MRRF: variants seen among roughly 807,000 people sequenced by gnomAD.
The protein encoded by MRRF is mitochondrial ribosome recycling factor.
A neutral mutation model predicts 25.1 loss-of-function variants in MRRF; 18 were observed. That is an observed-to-expected ratio of 0.72 (90% CI 0.50 to 1.06). The LOEUF is 1.06. Ranked by LOEUF, MRRF falls within the 50% of genes least tolerant of loss-of-function variation. MRRF has a pLI of 0.00. For missense variants in MRRF, 323 were observed against 319.3 expected (o/e 1.01, Z -0.09); for synonymous variants, 113 against 112.1 (o/e 1.01, Z -0.05).
chr9:122,299,809 A>G (rs1296529903), intron 5 of MRRF, among the ~76,000 whole-genome samples: 1 of 151,996 alleles, frequency 6.6e-6, no homozygotes, highest in East Asian at 1.9e-4. Context: ...AGAAGGTAAG[A>G]TCTGAGATTA....
chr9:122,275,279 C>G (rs961088643), intron 2 of MRRF, among the ~76,000 whole-genome samples: 3 of 152,096 alleles, frequency 2.0e-5, no homozygotes, highest in Admixed American at 2.0e-4. Context: ...ACCACCACCC[C>G]ACCCCGCTGA....
chr9:122,285,971 C>A, intron 4 of MRRF: 9 of 1,303,966 alleles, frequency 6.9e-6, no homozygotes, highest in Non-Finnish European at 8.1e-6. Flanking sequence ...GTCATTGCAT[C>A]TTTGAAGCTT....
At chr9:122,320,326 T>C (rs16911626) in intron 6 of MRRF, among the ~76,000 whole-genome samples, 4,643 of 152,284 alleles carry the variant, frequency 0.03, 212 homozygotes, top group African/African-American at 0.1. Context: ...TACACATTTT[T>C]AACCCACTAA....
chr9:122,276,878 T>C (rs557261063), intron 2 of MRRF, among the ~76,000 whole-genome samples: 3 of 152,318 alleles, frequency 2.0e-5, no homozygotes. Flanking sequence ...TCCTTTTTTG[T>C]TGTTTTTTGA....
intron 4 of MRRF, among the ~76,000 whole-genome samples, chr9:122,290,064 A>T (rs1185570903): frequency 2.6e-5 from 4 of 151,944 alleles, no homozygotes. Context: ...AAAAAAAAAA[A>T]AGAAAAAAGA....
intron 1 of MRRF, among the ~76,000 whole-genome samples, chr9:122,266,666 TG>T (rs568250344): frequency 7.7e-4 from 117 of 152,330 alleles, no homozygotes; most frequent in African/African-American, 2.7e-3. Context: ...TGAAAAGAGT[TG>T]CTGGGACAGT....
At position 122,323,735 on chromosome 9, in the gene MRRF, T is replaced by C. The variant is rs1226719536; in HGVS notation, c.*1118T>C. 1.3e-5 allele frequency: 2 copies of C among 152,250 alleles called. No individual in the cohort carries two copies. The highest frequency in any genetic ancestry group is 2.4e-5 in the African/African-American group (1 of 41,466). The allele number at this position is 152,250 out of a possible 1,614,324, so 9.4% of individuals were successfully genotyped here. ...ATTATTTATAATCTTGACAGTAAAC[T>C]TAAGAGATGTGTATTATCTTCATTT... is the stretch of plus-strand genomic sequence containing the variant. On this transcript the variant is annotated 3_prime_UTR_variant, in exon 7 of 7. Coordinates refer to ENST00000344641, the MANE Select transcript of MRRF (RefSeq NM_138777.5).
chr9:122,304,062 AACACACACACACACACACACAC>A (rs66775611), intron 5 of MRRF, among the ~76,000 whole-genome samples: 1 of 139,806 alleles, frequency 7.2e-6, no homozygotes, highest in Non-Finnish European at 1.6e-5. Flanking sequence ...ACCCTTTTCT[AACACACACACACACACACACAC>A]ACACACACAC....
At chr9:122,314,544 G>T (rs1425005820) in intron 6 of MRRF, among the ~76,000 whole-genome samples, 2 of 152,146 alleles carry the variant, frequency 1.3e-5, no homozygotes, top group Non-Finnish European at 2.9e-5. Flanking sequence ...AAAAATCCAG[G>T]TATCTGGGGC....
At position 122,266,854 on chromosome 9, in the gene MRRF, A is replaced by T. The variant is rs542156243; in HGVS notation, c.-29+1916A>T. 1.4e-4 allele frequency among the ~76,000 whole-genome samples: 21 copies of T among 152,360 alleles called. No homozygotes were observed. In the South Asian group the frequency reaches 3.7e-3, roughly 27 times the overall value. Reference sequence around the variant, plus strand: ...ATTGGGAGGCCCAGGCGGGCGGATCACGAGGTCAGGGGGTCGAGACCATCC... The same window carrying T: ...ATTGGGAGGCCCAGGCGGGCGGATCTCGAGGTCAGGGGGTCGAGACCATCC... On this transcript the variant is annotated intron_variant, in intron 1 of 6. Transcript: ENST00000344641.
chr9:122,310,846 G>A (rs1293216027), intron 5 of MRRF, among the ~76,000 whole-genome samples: 3 of 152,230 alleles, frequency 2.0e-5, no homozygotes, highest in Non-Finnish European at 4.4e-5. Context: ...GGAATGCAAG[G>A]TGGAGATGAT....
chr9:122,273,189 C>T (rs1002480153), intron 2 of MRRF, among the ~76,000 whole-genome samples: 2 of 152,286 alleles, frequency 1.3e-5, no homozygotes, highest in South Asian at 2.1e-4. Context: ...TGGTGGCCCA[C>T]GCCTATAATC....
rs1214901816 is a variant in MRRF at position 122,327,821 on chromosome 9, C to T, written c.*5204C>T. ...CTTGCTTTTTGTTTACATTTGCTTT[C>T]CCCATTTCTTGATTTTTAAGCTTTC... is the stretch of plus-strand genomic sequence containing the variant. On this transcript the variant is annotated 3_prime_UTR_variant, in exon 7 of 7. Transcript: ENST00000344641. 1 of 150,582 alleles carries T rather than the reference C, an allele frequency of 6.6e-6. No homozygotes were observed. Among genetic ancestry groups the T allele is most frequent in the African/African-American group, 2.4e-5 (1 of 41,116 alleles). 9.3% of individuals were successfully genotyped at this position (150,582 alleles called of 1,614,324 possible). A position where few individuals can be genotyped will look rare whatever the true frequency, so the allele number is the denominator to read the frequency against.
chr9:122,318,592 G>A (rs779661416), intron 6 of MRRF, among the ~76,000 whole-genome samples: 7 of 152,224 alleles, frequency 4.6e-5, no homozygotes, highest in Non-Finnish European at 7.3e-5. Flanking sequence ...GCCTGCCCCA[G>A]GAGTGTACTC....
At chr9:122,292,840 A>C (rs562613711) in intron 5 of MRRF, among the ~76,000 whole-genome samples, 2 of 152,346 alleles carry the variant, frequency 1.3e-5, no homozygotes, top group Non-Finnish European at 2.9e-5. Flanking sequence ...CTCCGATTCC[A>C]CAGCAAAAGA....
intron 5 of MRRF, among the ~76,000 whole-genome samples, chr9:122,298,840 G>A (rs1238894778): frequency 6.6e-6 from 1 of 152,128 alleles, no homozygotes; most frequent in Admixed American, 6.6e-5. Flanking sequence ...GAAAAATAAG[G>A]CAGTAAAAGG....
At chr9:122,273,331 A>G (rs1284640179) in intron 2 of MRRF, among the ~76,000 whole-genome samples, 1 of 151,676 alleles carries the variant, frequency 6.6e-6, no homozygotes, top group African/African-American at 2.4e-5. Context: ...GGTCCCAGCT[A>G]CTTGGGAGGC....
At chr9:122,316,821 TA>T (rs71508157) in intron 6 of MRRF, among the ~76,000 whole-genome samples, 231 of 138,024 alleles carry the variant, frequency 1.7e-3, no homozygotes, top group African/African-American at 3.4e-3. Flanking sequence ...TCCTTTTTTC[TA>T]AAAAAAAAAA....
At chr9:122,306,881 C>T (rs1834881150) in intron 5 of MRRF, among the ~76,000 whole-genome samples, 1 of 152,132 alleles carries the variant, frequency 6.6e-6, no homozygotes, top group South Asian at 2.1e-4. Context: ...CTGGTTTAAC[C>T]AGGCATCAGT....
Sources: gnomAD v4.1 joint callset for allele counts (sites outside exome capture counted in the v4.1 genomes callset) on GRCh38, gnomAD v4.1.1 for gene constraint, MANE v1.5 for transcripts, NCBI Gene and HGNC (gene_info 2026-07-23, HGNC 2026-07-21) for gene names.